CLPTM1: variants seen among roughly 807,000 people sequenced by gnomAD.
CLPTM1 encodes putative lipid scramblase CLPTM1.
A neutral mutation model predicts 77.3 loss-of-function variants in CLPTM1; 21 were observed. The ratio of observed to expected loss-of-function variants is 0.27; its 90% confidence interval spans 0.19 to 0.39. CLPTM1 has a LOEUF of 0.39. CLPTM1 is among the 10% of genes least tolerant of loss of function. The pLI is 1.00. For missense variants in CLPTM1, 642 were observed against 921.2 expected (o/e 0.70, Z 3.92); for synonymous variants, 373 against 381.0 (o/e 0.98, Z 0.24).
chr19:44,988,179 A>G lies in CLPTM1; in HGVS notation c.1132+6A>G. The G allele has an allele frequency of 1.2e-6, 2 of 1,602,850 alleles. No individual in the cohort carries two copies. Among genetic ancestry groups the G allele is most frequent in the Non-Finnish European group, 1.7e-6 (2 of 1,169,736 alleles). ...GTTCCTGGCCTTCAAGAATGGTAGGAACAGGACCCCAGGGCTAGTGAGAGG... is the reference window on the plus strand; with the variant it reads ...GTTCCTGGCCTTCAAGAATGGTAGGGACAGGACCCCAGGGCTAGTGAGAGG... On this transcript the variant is annotated splice_donor_region_variant and intron_variant, in intron 9 of 13. Transcript: ENST00000337392.
In CLPTM1 at chr19:44,990,619, G is replaced by T; in HGVS notation, c.1323+34G>T. The T allele has an allele frequency of 6.2e-7, 1 of 1,605,966 alleles. No individual in the cohort carries two copies. The highest frequency in any genetic ancestry group is 8.5e-7 in the Non-Finnish European group (1 of 1,174,990). ...GGGGCGCCATGCTGTCTCGGGAGCT[G>T]CAGGGGTTGGGAGGGGGTAGTGTGG... On this transcript the variant is annotated intron_variant, in intron 10 of 13. Coordinates refer to ENST00000337392, the MANE Select transcript of CLPTM1 (RefSeq NM_001294.4). The surrounding 1 kb of genome is among the most constrained non-coding windows in gnomAD (Gnocchi z 4.8).
chr19:44,973,852 C>G (rs975068853), intron 3 of CLPTM1, among the ~76,000 whole-genome samples: 2 of 151,094 alleles, frequency 1.3e-5, no homozygotes, highest in Non-Finnish European at 2.9e-5. Context: ...CAACCTCTGC[C>G]TCCCGGGCTC....
Position 44,988,122 on chromosome 19 carries a change from A to G in CLPTM1, c.1081A>G (p.Ile361Val), listed in dbSNP as rs780237399. ...ETNPYLLALTIIVSIVHSVFE... is the reference protein window; with the variant it reads ...ETNPYLLALTVIVSIVHSVFE... ...CAACCCCTACCTGCTGGCGCTCACC[A>G]TCATCGTGTCTATCGTTCACAGTGT... is the stretch of plus-strand genomic sequence containing the variant. Residue 361 changes from isoleucine (I) to valine (V), a missense_variant, in exon 9 of 14, where the codon ATC becomes GTC. Transcript: ENST00000337392. 6.2e-7 allele frequency: 1 copy of G among 1,614,124 alleles called. No homozygotes were observed. Among genetic ancestry groups the G allele is most frequent in the Non-Finnish European group, 8.5e-7 (1 of 1,179,992 alleles).
intron 8 of CLPTM1, chr19:44,987,768 G>A: frequency 1.8e-6 from 1 of 554,062 alleles, no homozygotes; most frequent in South Asian, 2.1e-5. Flanking sequence ...TCTGTGGCGT[G>A]AGGCTCGGCT....
At chr19:44,966,769 A>G (rs1320465909) in intron 2 of CLPTM1, among the ~76,000 whole-genome samples, 2 of 151,966 alleles carry the variant, frequency 1.3e-5, no homozygotes, top group Non-Finnish European at 2.9e-5. Context: ...AATGTTGGCC[A>G]TGATTCCTTT....
intron 2 of CLPTM1, among the ~76,000 whole-genome samples, chr19:44,970,825 A>C (rs1057375917): frequency 2.5e-5 from 3 of 122,082 alleles, no homozygotes; most frequent in African/African-American, 3.5e-5. Context: ...AAGATCCTTT[A>C]CTTCTTTTTT....
upstream of CLPTM1, chr19:44,955,370 C>CGGGGGCGGGGGGGGGGGTGGGGGG: frequency 2.1e-6 from 1 of 477,222 alleles, no homozygotes; most frequent in Non-Finnish European, 2.7e-6. Context: ...GGGCTGGCGG[C>CGGGGGCGGGGGGGGGGGTGGGGGG]GGGGGCGGGG....
chr19:44,954,722 G>A (rs1970429476), upstream of CLPTM1: 25 of 1,224,600 alleles, frequency 2.0e-5, no homozygotes, highest in South Asian at 4.5e-4. Flanking sequence ...CTGAGGGAAC[G>A]CGCATGCGTG....
chr19:44,967,551 G>A (rs1401184454), intron 2 of CLPTM1, among the ~76,000 whole-genome samples: 1 of 152,000 alleles, frequency 6.6e-6, no homozygotes, highest in African/African-American at 2.4e-5. Context: ...CAGCTATTCA[G>A]GAGGCTGAGG....
chr19:44,989,791 CAG>C (rs1200655288), intron 9 of CLPTM1, among the ~76,000 whole-genome samples: 2 of 152,106 alleles, frequency 1.3e-5, no homozygotes, highest in Admixed American at 6.5e-5. Flanking sequence ...GACCAGGGCT[CAG>C]AGAGGAGCAT....
Position 44,956,390 on chromosome 19 carries a change from G to A in CLPTM1, c.72+923G>A, listed in dbSNP as rs370804664. 4.6e-5 allele frequency among the ~76,000 whole-genome samples: 7 copies of A among 152,334 alleles called. No individual in the cohort carries two copies. In the East Asian group the frequency reaches 1.2e-3, roughly 25 times the overall value. On this transcript the variant is annotated intron_variant, in intron 1 of 13. Coordinates refer to ENST00000337392, the MANE Select transcript of CLPTM1 (RefSeq NM_001294.4). ...TATCCCTGCTGTCAGGGGACGAAGAGAGGAGACTGACATGTAAACAGTTGT... is the reference window on the plus strand; with the variant it reads ...TATCCCTGCTGTCAGGGGACGAAGAAAGGAGACTGACATGTAAACAGTTGT...
At chr19:44,988,848 C>G (rs1971023838) in intron 9 of CLPTM1, among the ~76,000 whole-genome samples, 1 of 152,208 alleles carries the variant, frequency 6.6e-6, no homozygotes, top group Non-Finnish European at 1.5e-5. Flanking sequence ...GTAGCTCCCG[C>G]AGGCGGCAAG....
chr19:44,954,771 G>A (rs1269102261), upstream of CLPTM1: 4 of 1,346,592 alleles, frequency 3.0e-6, no homozygotes, highest in African/African-American at 1.5e-5. Flanking sequence ...GTGTATCATA[G>A]GGTCTCATCG....
intron 4 of CLPTM1, among the ~76,000 whole-genome samples, chr19:44,975,190 C>T (rs953427493): frequency 1.3e-5 from 2 of 152,232 alleles, no homozygotes; most frequent in Non-Finnish European, 2.9e-5. Flanking sequence ...ACTCACAGAG[C>T]ACTCAGGCTT....
At chr19:44,988,301 A>T in intron 9 of CLPTM1, 128 bp downstream of exon 9, 1 of 710,754 alleles carries the variant, frequency 1.4e-6, no homozygotes, top group Admixed American at 2.2e-5. Flanking sequence ...CACTCTCCAG[A>T]GGCCTAGTGA....
intron 2 of CLPTM1, among the ~76,000 whole-genome samples, chr19:44,963,163 C>T (rs1233135760): frequency 8.0e-6 from 1 of 125,042 alleles, no homozygotes; most frequent in African/African-American, 3.1e-5. Context: ...GAGCTGAGAT[C>T]GTGCCACTGC....
At chr19:44,960,026 G>A (rs1038814654) in intron 1 of CLPTM1, among the ~76,000 whole-genome samples, 6 of 152,116 alleles carry the variant, frequency 3.9e-5, no homozygotes, top group African/African-American at 1.4e-4. Context: ...CCCCAAATCA[G>A]CTCAGACCCA....
chr19:44,969,204 C>CAT (rs1438389923), intron 2 of CLPTM1, among the ~76,000 whole-genome samples: 1 of 152,100 alleles, frequency 6.6e-6, no homozygotes, highest in African/African-American at 2.4e-5. Flanking sequence ...GCTATATAAA[C>CAT]ATATATATAA....
At chr19:44,961,727 G>A (rs1171978688) in intron 1 of CLPTM1, among the ~76,000 whole-genome samples, 1 of 152,174 alleles carries the variant, frequency 6.6e-6, no homozygotes, top group African/African-American at 2.4e-5. Flanking sequence ...ACCCCAGGAG[G>A]ACAGCAAAAG....
Sources: allele counts gnomAD v4.1 joint callset (sites outside exome capture counted in the v4.1 genomes callset), GRCh38; gene constraint gnomAD v4.1.1; non-coding constraint Gnocchi (gnomAD v3.1); transcripts MANE v1.5; gene names NCBI Gene and HGNC (gene_info 2026-07-23, HGNC 2026-07-21).